Variants in GARIN3 observed in about 807,000 individuals in gnomAD.
The protein encoded by GARIN3 is golgi associated RAB2 interactor family member 3.
the GARIN3 span, among the ~76,000 whole-genome samples, chr5:157,164,884 G>A: frequency 6.6e-6 from 1 of 152,132 alleles, no homozygotes; most frequent in Non-Finnish European, 1.5e-5. Flanking sequence ...GTTGGACGTG[G>A]TGGCAGGTGC....
the GARIN3 span, chr5:157,166,131 T>C: frequency 1.9e-6 from 3 of 1,614,078 alleles, no homozygotes; most frequent in Non-Finnish European, 2.5e-6. Context: ...AGAGTAGCTG[T>C]GGGCTGTGTA....
the GARIN3 span, chr5:157,165,597 C>T: frequency 1.9e-5 from 31 of 1,613,538 alleles, 2 homozygotes; most frequent in South Asian, 3.2e-4. Flanking sequence ...TGGTGCGTCC[C>T]CAGATAGAAG....
the GARIN3 span, chr5:157,163,233 G>A: frequency 1.4e-5 from 22 of 1,613,866 alleles, no homozygotes; most frequent in Non-Finnish European, 1.8e-5. Flanking sequence ...CACCCACCAA[G>A]GCCAAGCTAA....
the GARIN3 span, chr5:157,165,707 C>T: frequency 1.2e-6 from 2 of 1,614,190 alleles, no homozygotes; most frequent in Non-Finnish European, 1.7e-6. Flanking sequence ...AAGAGGGACA[C>T]AACTGCAGAT....
the GARIN3 span, chr5:157,163,105 G>A: frequency 6.2e-7 from 1 of 1,614,220 alleles, no homozygotes; most frequent in Non-Finnish European, 8.5e-7. Context: ...AGTTCTTTCT[G>A]CTGCACACTT....
At chr5:157,162,944 T>C in the GARIN3 span, 1 of 1,614,208 alleles carries the variant, frequency 6.2e-7, no homozygotes, top group Non-Finnish European at 8.5e-7. Flanking sequence ...GAACTTTTCC[T>C]ACTGGGATGT....
the GARIN3 span, chr5:157,162,711 G>T: frequency 3.1e-6 from 5 of 1,614,224 alleles, no homozygotes; most frequent in East Asian, 2.2e-5. Context: ...ATGCAGATTG[G>T]TTCTTCCCCA....
At chr5:157,162,129 T>G in the GARIN3 span, 10 of 368,094 alleles carry the variant, frequency 2.7e-5, no homozygotes, top group African/African-American at 4.2e-5. Flanking sequence ...CAGCTCTTAG[T>G]CTGTGGCTTT....
At chr5:157,163,300 C>A in the GARIN3 span, 1 of 1,614,052 alleles carries the variant, frequency 6.2e-7, no homozygotes, top group Non-Finnish European at 8.5e-7. Context: ...TTCATTTTCT[C>A]CTGGATTTTT....
the GARIN3 span, chr5:157,165,458 T>C: frequency 6.7e-7 from 1 of 1,495,202 alleles, no homozygotes; most frequent in Non-Finnish European, 8.9e-7. Context: ...CATGCAATAC[T>C]TTTTCCAGGT....
chr5:157,163,976 G>C, the GARIN3 span, among the ~76,000 whole-genome samples: 3 of 151,942 alleles, frequency 2.0e-5, no homozygotes, highest in Non-Finnish European at 4.4e-5. Context: ...AGTATCGCTT[G>C]AACTCAGAAG....
the GARIN3 span, chr5:157,162,536 C>A: frequency 1.2e-6 from 2 of 1,614,190 alleles, no homozygotes; most frequent in Non-Finnish European, 8.5e-7. Context: ...CCACCCTGGG[C>A]TTTCTCCACT....
chr5:157,166,058 C>T, the GARIN3 span: 1 of 1,614,202 alleles, frequency 6.2e-7, no homozygotes, highest in Non-Finnish European at 8.5e-7. Flanking sequence ...AAATGTTGTA[C>T]TCTCCTCTGT....
the GARIN3 span, chr5:157,162,855 TG>T: frequency 6.2e-7 from 1 of 1,614,222 alleles, no homozygotes; most frequent in Non-Finnish European, 8.5e-7. Context: ...TATGGCCAGA[TG>T]CGGACCGGTG....
the GARIN3 span, chr5:157,163,658 C>G: frequency 1.9e-6 from 3 of 1,610,186 alleles, no homozygotes; most frequent in Non-Finnish European, 2.5e-6. Flanking sequence ...AGCTCTGCAG[C>G]CTATACCAAG....
At chr5:157,165,145 C>A in the GARIN3 span, among the ~76,000 whole-genome samples, 1 of 152,158 alleles carries the variant, frequency 6.6e-6, no homozygotes, top group Admixed American at 6.6e-5. Flanking sequence ...ATGATGGTTA[C>A]ACTAAAAGCC....
chr5:157,165,432 G>A, the GARIN3 span: 1 of 1,395,394 alleles, frequency 7.2e-7, no homozygotes, highest in Non-Finnish European at 9.6e-7. Flanking sequence ...GGCTCATTTG[G>A]TCCTGAGCCC....
chr5:157,165,262 G>T, the GARIN3 span, among the ~76,000 whole-genome samples: 1 of 152,178 alleles, frequency 6.6e-6, no homozygotes, highest in Non-Finnish European at 1.5e-5. Flanking sequence ...CTGGGTTGGG[G>T]TATTAAGTGT....
At chr5:157,165,772 G>C in the GARIN3 span, 1 of 1,613,936 alleles carries the variant, frequency 6.2e-7, no homozygotes. Context: ...TCATGATCGT[G>C]GATGGAGATC....
Sources: gnomAD v4.1 joint callset for allele counts (sites outside exome capture counted in the v4.1 genomes callset) on GRCh38, gnomAD v4.1.1 for gene constraint, MANE v1.5 for transcripts, NCBI Gene and HGNC (gene_info 2026-07-23, HGNC 2026-07-21) for gene names.